ARHGAP8: variants seen among roughly 807,000 people sequenced by gnomAD.
The protein encoded by ARHGAP8 is rho GTPase-activating protein 8.
In ARHGAP8, 62 loss-of-function variants were observed where a neutral mutation model predicts 46.1. That is an observed-to-expected ratio of 1.34 (90% CI 1.10 to 1.66). ARHGAP8 has a LOEUF of 1.66. ARHGAP8 is among the 40% of genes most tolerant of loss of function. The pLI, the probability that ARHGAP8 is intolerant of heterozygous loss-of-function variation, is 0.00. For synonymous variants in ARHGAP8, 375 were observed against 243.1 expected, an observed-to-expected ratio of 1.54 and a Z score of -5.05; for missense variants, 923 against 568.4, an observed-to-expected ratio of 1.62 and a Z score of -6.34.
Position 44,859,732 on chromosome 22 carries a change from T to A in ARHGAP8, c.879T>A (p.Cys293Ter). 7 of 1,613,448 alleles carry A rather than the reference T, an allele frequency of 4.3e-6. No individual in the cohort carries two copies. The highest frequency in any genetic ancestry group is 5.9e-6 in the Non-Finnish European group (7 of 1,180,012). ...QAYEQILGIT[C>*]VESSLRVTGC... The stretch of plus-strand genomic sequence containing the variant: ...GCAGGGAGCCCCATGCCCTTCCAGG[T>A]GTGGAGAGCAGCCTGCGTGTCACTG... The change falls in exon 11 of 12, where the codon TGT (cysteine) becomes TGA (stop). Residue 293 changes from cysteine (C) to a stop codon, truncating the protein, a stop_gained and splice_region_variant. Coordinates refer to ENST00000356099, the MANE Select transcript of ARHGAP8 (RefSeq NM_181335.3). LOFTEE classifies it high-confidence loss of function.
intron 1 of ARHGAP8, among the ~76,000 whole-genome samples, chr22:44,764,274 A>G (rs1288431580): frequency 4.6e-5 from 7 of 152,288 alleles, no homozygotes; most frequent in African/African-American, 1.7e-4. Context: ...AAGCCCCTGC[A>G]GGGACTGGTA....
chr22:44,819,367 C>T (rs1929968061), intron 5 of ARHGAP8, among the ~76,000 whole-genome samples: 2 of 152,208 alleles, frequency 1.3e-5, no homozygotes, highest in Admixed American at 6.5e-5. Context: ...GCACCTGGCC[C>T]TGATTTAAAA....
chr22:44,851,958 A>C (rs1372429060), intron 10 of ARHGAP8, among the ~76,000 whole-genome samples: 1 of 152,114 alleles, frequency 6.6e-6, no homozygotes, highest in African/African-American at 2.4e-5. Context: ...CGGGAAGCCA[A>C]GGTGGGTGGA....
At chr22:44,756,124 C>G (rs1000892672) in intron 1 of ARHGAP8, among the ~76,000 whole-genome samples, 6 of 152,016 alleles carry the variant, frequency 3.9e-5, no homozygotes, top group Non-Finnish European at 8.8e-5. Flanking sequence ...CTTCAGTGGC[C>G]TGGACTTTGC....
chr22:44,784,716 A>C (rs191421707), intron 1 of ARHGAP8, among the ~76,000 whole-genome samples: 2 of 151,312 alleles, frequency 1.3e-5, no homozygotes, highest in East Asian at 3.9e-4. Context: ...CTTTTGCCAC[A>C]GACAGTCACA....
chr22:44,787,919 C>CTT (rs1194920444), intron 2 of ARHGAP8, among the ~76,000 whole-genome samples: 3 of 89,062 alleles, frequency 3.4e-5, no homozygotes, highest in Non-Finnish European at 4.8e-5. Context: ...CCCAAATGTC[C>CTT]TTTTTTTTTT....
intron 1 of ARHGAP8, among the ~76,000 whole-genome samples, chr22:44,778,178 C>G (rs1011362998): frequency 2.0e-5 from 3 of 152,062 alleles, no homozygotes; most frequent in East Asian, 1.9e-4. Flanking sequence ...TCCCTCACCC[C>G]CTTCCCACCC....
intron 7 of ARHGAP8, among the ~76,000 whole-genome samples, chr22:44,836,720 G>C (rs780157708): frequency 6.6e-6 from 1 of 151,868 alleles, no homozygotes; most frequent in South Asian, 2.1e-4. Flanking sequence ...ATTGGGAGGG[G>C]ACGTGTTGTA....
At chr22:44,806,781 C>T (rs1057480733) in intron 3 of ARHGAP8, among the ~76,000 whole-genome samples, 1 of 151,776 alleles carries the variant, frequency 6.6e-6, no homozygotes, top group East Asian at 1.9e-4. Context: ...AGTGAAACCC[C>T]GCCTCTACTA....
intron 4 of ARHGAP8, among the ~76,000 whole-genome samples, chr22:44,810,778 C>G (rs1224278263): frequency 6.6e-6 from 1 of 151,990 alleles, no homozygotes; most frequent in Non-Finnish European, 1.5e-5. Context: ...TGGTGGGGGT[C>G]TGGTCTGTAG....
intron 8 of ARHGAP8, among the ~76,000 whole-genome samples, chr22:44,845,656 C>G (rs12159141): frequency 1.6e-4 from 24 of 152,330 alleles, no homozygotes; most frequent in African/African-American, 5.8e-4. Flanking sequence ...GAGACAGTGC[C>G]TGCAAAGCAC....
chr22:44,843,467 CTG>C (rs1315832168), intron 7 of ARHGAP8, among the ~76,000 whole-genome samples: 1 of 152,106 alleles, frequency 6.6e-6, no homozygotes, highest in East Asian at 1.9e-4. Flanking sequence ...AGTAGATTGA[CTG>C]TTTAAATAAA....
intron 7 of ARHGAP8, among the ~76,000 whole-genome samples, chr22:44,842,352 A>G (rs136676): frequency 0.35 from 53,750 of 151,666 alleles, 10,588 homozygotes; most frequent in East Asian, 0.58. Context: ...GCGAGACTCC[A>G]TCTCAAAACA....
At chr22:44,846,896 G>T (rs1569177470) in intron 8 of ARHGAP8, among the ~76,000 whole-genome samples, 1 of 152,140 alleles carries the variant, frequency 6.6e-6, no homozygotes, top group Non-Finnish European at 1.5e-5. Context: ...CCTTGTTGGG[G>T]GGCTTCCCTG....
intron 8 of ARHGAP8, among the ~76,000 whole-genome samples, chr22:44,846,935 G>T (rs1253212571): frequency 1.3e-5 from 2 of 152,202 alleles, no homozygotes. Context: ...TGAGCTCTGA[G>T]GACGGGGAGA....
intron 1 of ARHGAP8, among the ~76,000 whole-genome samples, chr22:44,772,478 C>A (rs1926112098): frequency 6.6e-6 from 1 of 151,280 alleles, no homozygotes; most frequent in Non-Finnish European, 1.5e-5. Flanking sequence ...GCATGAGCCA[C>A]CGTGCTGGCT....
chr22:44,806,781 C>A (rs1057480733), intron 3 of ARHGAP8, among the ~76,000 whole-genome samples: 2 of 151,776 alleles, frequency 1.3e-5, no homozygotes, highest in South Asian at 2.1e-4. Context: ...AGTGAAACCC[C>A]GCCTCTACTA....
intron 4 of ARHGAP8, chr22:44,809,210 C>G: frequency 2.1e-6 from 1 of 469,452 alleles, no homozygotes. Context: ...GACTGTGTTC[C>G]AGTAAAACAT....
At chr22:44,801,781 G>C in intron 2 of ARHGAP8, 1 of 382,156 alleles carries the variant, frequency 2.6e-6, no homozygotes. Flanking sequence ...TAAGTCCTTG[G>C]TGCCGCCTGC....
Sources: gnomAD v4.1 joint callset for allele counts (sites outside exome capture counted in the v4.1 genomes callset) on GRCh38, gnomAD v4.1.1 for gene constraint, MANE v1.5 for transcripts, NCBI Gene and HGNC (gene_info 2026-07-23, HGNC 2026-07-21) for gene names.